SERINC3: variants seen among roughly 807,000 people sequenced by gnomAD.
SERINC3 encodes the protein serine incorporator 3.
In SERINC3, 22 loss-of-function variants were observed where a neutral mutation model predicts 52.1. The observed-to-expected ratio is 0.42, with a 90% CI of 0.30 to 0.60. The LOEUF is 0.60. SERINC3 is among the 20% of genes least tolerant of loss of function. The pLI is 0.16. For missense variants in SERINC3, 564 were observed against 584.6 expected (o/e 0.96, Z 0.36); for synonymous variants, 226 against 212.7 (o/e 1.06, Z -0.54).
intron 2 of SERINC3, among the ~76,000 whole-genome samples, chr20:44,513,483 T>C (rs1048463954): frequency 1.3e-5 from 2 of 152,018 alleles, no homozygotes; most frequent in African/African-American, 4.8e-5. Flanking sequence ...GAGTCTTAGT[T>C]TCAAAAAAAT....
At position 44,512,816 on chromosome 20, in the gene SERINC3, G is replaced by A. The variant is rs761779944; in HGVS notation, c.380C>T (p.Ala127Val). The stretch of plus-strand genomic sequence containing the variant: ...TCTAACATACCCATTGTGTACTGCC[G>A]CTCGGAGATCTTTACTTGTTTTTAC... ...FKVKTSKDLR[A>V]AVHNGFWFFK... The change falls in exon 3 of 10, where the codon GCG (alanine) becomes GTG (valine). Residue 127 changes from alanine (A) to valine (V), a missense_variant. By Grantham distance (64) the Ala-to-Val change is moderately conservative. Coordinates refer to ENST00000342374, the MANE Select transcript of SERINC3 (RefSeq NM_006811.4). The A allele has an allele frequency of 2.7e-5, 42 of 1,573,692 alleles. No individual in the cohort carries two copies. Among genetic ancestry groups the A allele is most frequent in the African/African-American group, 5.6e-5 (4 of 71,982 alleles).
chr20:44,514,899 C>A (rs189292023), intron 1 of SERINC3, among the ~76,000 whole-genome samples: 21 of 152,134 alleles, frequency 1.4e-4, no homozygotes, highest in African/African-American at 5.1e-4. Flanking sequence ...ACCATATGAC[C>A]CAGAAAGTAT....
intron 5 of SERINC3, 96 bp from the exon 6 acceptor site, chr20:44,507,092 T>A (rs982953327): frequency 1.1e-6 from 1 of 895,730 alleles, no homozygotes; most frequent in Non-Finnish European, 1.6e-6. Flanking sequence ...GAGGAGACAT[T>A]ATGTCACTTT....
intron 5 of SERINC3, among the ~76,000 whole-genome samples, chr20:44,507,739 T>C (rs2064323583): frequency 6.6e-6 from 1 of 152,100 alleles, no homozygotes; most frequent in Non-Finnish European, 1.5e-5. Flanking sequence ...CATGGTGGCA[T>C]AAGGCTGTAG....
intron 9 of SERINC3, 53 bp downstream of exon 9, chr20:44,501,020 T>C (rs139883459): frequency 1.4e-5 from 19 of 1,313,204 alleles, no homozygotes; most frequent in South Asian, 4.8e-5. Context: ...TGAGATTTTA[T>C]AGGCCATCCA....
chr20:44,514,195 A>G, intron 1 of SERINC3, 155 bp from the exon 2 acceptor site: 1 of 739,914 alleles, frequency 1.4e-6, no homozygotes. Flanking sequence ...CGGGCTCTGG[A>G]GTAAATATTA....
chr20:44,517,311 G>A (rs2064386739), intron 1 of SERINC3, among the ~76,000 whole-genome samples: 1 of 151,236 alleles, frequency 6.6e-6, no homozygotes, highest in Non-Finnish European at 1.5e-5. Flanking sequence ...CTTAACTACA[G>A]TATAGGCCAA....
chr20:44,508,876 G>C (rs561343034), intron 5 of SERINC3, among the ~76,000 whole-genome samples: 25 of 152,338 alleles, frequency 1.6e-4, no homozygotes, highest in African/African-American at 3.1e-4. Flanking sequence ...GATAGGTGGA[G>C]ATTTGCATGT....
Position 44,510,032 on chromosome 20 carries a change from C to G in SERINC3, c.476-4G>C. On this transcript the variant is annotated splice_region_variant and splice_polypyrimidine_tract_variant and intron_variant, in intron 4 of 9. Transcript: ENST00000342374. ...ATCATGCCAACAACAAACCAGACTA[C>G]AAGAACCAAGAGAACAAAGTTATTC... The G allele has an allele frequency of 6.2e-7, 1 of 1,613,680 alleles. No individual in the cohort carries two copies. Among genetic ancestry groups the G allele is most frequent in the Non-Finnish European group, 8.5e-7 (1 of 1,179,624 alleles).
chr20:44,521,799 C>T (rs1280002204), intron 1 of SERINC3, 114 bp downstream of exon 1: 22 of 1,105,820 alleles, frequency 2.0e-5, no homozygotes, highest in Non-Finnish European at 2.7e-5. Flanking sequence ...CCTCTGTAGC[C>T]CAGGGCCTGC....
intron 1 of SERINC3, among the ~76,000 whole-genome samples, chr20:44,517,957 G>A (rs191633914): frequency 1.3e-5 from 2 of 152,066 alleles, no homozygotes; most frequent in Non-Finnish European, 2.9e-5. Context: ...TGTTGCTTGG[G>A]CCCAAAACCT....
At chr20:44,507,165 A>G (rs2064320215) in intron 5 of SERINC3, among the ~76,000 whole-genome samples, 169 bp from the exon 6 acceptor site, 1 of 152,236 alleles carries the variant, frequency 6.6e-6, no homozygotes, top group African/African-American at 2.4e-5. Flanking sequence ...ATTGTATTCA[A>G]TTGGCTTGAT....
Position 44,509,436 on chromosome 20 carries a change from G to A in SERINC3, c.613+455C>T, listed in dbSNP as rs1042816411. Among the ~76,000 whole-genome samples, 35 of 152,076 alleles carry A rather than the reference G, an allele frequency of 2.3e-4. 1 individual carries two copies. The highest frequency in any genetic ancestry group is 7.4e-5 in the Non-Finnish European group (5 of 67,998). On this transcript the variant is annotated intron_variant, in intron 5 of 9. Transcript: ENST00000342374. Reference sequence around the variant, plus strand: ...TCAAAATACATAAATTGGGAAAATCGAACAATTTATATTATCTGTGCTACT... The same window carrying A: ...TCAAAATACATAAATTGGGAAAATCAAACAATTTATATTATCTGTGCTACT...
Position 44,500,258 on chromosome 20 carries a change from C to G in SERINC3, c.*38G>C, listed in dbSNP as rs778767478. ...TATATGGGTTTTCGGTGAAGGAGACCTTTGTGAGTTCCAGTGGTGTCCTTG... is the reference window on the plus strand; with the variant it reads ...TATATGGGTTTTCGGTGAAGGAGACGTTTGTGAGTTCCAGTGGTGTCCTTG... On this transcript the variant is annotated 3_prime_UTR_variant, in exon 10 of 10. Coordinates refer to ENST00000342374, the MANE Select transcript of SERINC3 (RefSeq NM_006811.4). 3.1e-6 allele frequency: 5 copies of G among 1,590,994 alleles called. No homozygotes were observed. The highest frequency in any genetic ancestry group is 4.3e-6 in the Non-Finnish European group (5 of 1,166,186).
chr20:44,501,003 C>T, intron 9 of SERINC3, 70 bp downstream of exon 9: 1 of 1,136,766 alleles, frequency 8.8e-7, no homozygotes, highest in Non-Finnish European at 1.3e-6. Context: ...GAGGTCAGGA[C>T]AATGGATGAG....
rs1364336232 is a variant in SERINC3, at chr20:44,499,544, T to G, written c.*752A>C. 2 of 152,378 alleles carry G rather than the reference T, an allele frequency of 1.3e-5. No individual in the cohort carries two copies. Among genetic ancestry groups the G allele is most frequent in the Non-Finnish European group, 2.9e-5 (2 of 68,044 alleles). 9.4% of individuals were successfully genotyped at this position (152,378 alleles called of 1,614,324 possible). On this transcript the variant is annotated 3_prime_UTR_variant, in exon 10 of 10. Transcript: ENST00000342374. ...CAAATATGATAAATTCACATGCATT[T>G]TACTTTTACATACTCATAACAAGAT...
chr20:44,501,345 C>A (rs1243720175), intron 8 of SERINC3, 45 bp from the exon 9 acceptor site: 3 of 1,490,284 alleles, frequency 2.0e-6, no homozygotes, highest in Admixed American at 3.3e-5. Context: ...GGGGCCATGA[C>A]AATGAACTGC....
chr20:44,507,512 T>A (rs758169016), intron 5 of SERINC3, among the ~76,000 whole-genome samples: 57 of 152,334 alleles, frequency 3.7e-4, no homozygotes, highest in Non-Finnish European at 2.1e-4. Flanking sequence ...ACTGGAAAAG[T>A]GGCTCATTTG....
chr20:44,508,320 A>C (rs534979328), intron 5 of SERINC3, among the ~76,000 whole-genome samples: 2 of 152,104 alleles, frequency 1.3e-5, no homozygotes, highest in South Asian at 4.2e-4. Context: ...AAAAAACACA[A>C]AAATTAGCCG....
Sources: allele counts gnomAD v4.1 joint callset (sites outside exome capture counted in the v4.1 genomes callset), GRCh38; gene constraint gnomAD v4.1.1; transcripts MANE v1.5; gene names NCBI Gene and HGNC (gene_info 2026-07-23, HGNC 2026-07-21).